FLT1: variants seen among roughly 807,000 people sequenced by gnomAD.
The protein encoded by FLT1 is vascular endothelial growth factor receptor 1.
Under a neutral mutation model 156.3 loss-of-function variants are expected in FLT1, and 49 were observed. The observed-to-expected ratio is 0.31, with a 90% confidence interval of 0.25 to 0.40. The LOEUF is 0.40. FLT1 is among the 10% of genes least tolerant of loss of function. FLT1 has a pLI of 1.00. For missense variants in FLT1, 1,322 were observed against 1,637.2 expected, an observed-to-expected ratio of 0.81 and a Z score of 3.32; for synonymous variants, 594 against 583.8, an observed-to-expected ratio of 1.02 and a Z score of -0.25.
chr13:28,347,350 CTG>C (rs1365683084), intron 15 of FLT1, among the ~76,000 whole-genome samples: 1 of 150,668 alleles, frequency 6.6e-6, no homozygotes, highest in Non-Finnish European at 1.5e-5. Flanking sequence ...TGGTAAAACC[CTG>C]TCTCTACTAA....
intron 3 of FLT1, among the ~76,000 whole-genome samples, chr13:28,441,611 T>C (rs1053021340): frequency 2.0e-5 from 3 of 152,132 alleles, no homozygotes; most frequent in Admixed American, 6.5e-5. Flanking sequence ...TATATTGATA[T>C]AGTGGCATAG....
At chr13:28,371,066 G>A (rs1242944759) in intron 14 of FLT1, among the ~76,000 whole-genome samples, 1 of 152,104 alleles carries the variant, frequency 6.6e-6, no homozygotes, top group Non-Finnish European at 1.5e-5. Flanking sequence ...AGAACAATAC[G>A]TTTTGACATA....
intron 3 of FLT1, among the ~76,000 whole-genome samples, chr13:28,454,255 G>A (rs889706281): frequency 6.6e-6 from 1 of 152,236 alleles, no homozygotes; most frequent in Non-Finnish European, 1.5e-5. Context: ...TGCCTCCTAA[G>A]TGTTAGGCAG....
chr13:28,451,085 G>C (rs189529734), intron 3 of FLT1, among the ~76,000 whole-genome samples: 186 of 152,316 alleles, frequency 1.2e-3, no homozygotes, highest in African/African-American at 4.3e-3. Context: ...GCTCTCTGCT[G>C]TAAGGTGCTG....
rs375772405 is a variant in FLT1 at position 28,355,613 on chromosome 13, A to C, written c.2248+1941T>G. On this transcript the variant is annotated intron_variant, in intron 15 of 29. Coordinates refer to ENST00000282397, the MANE Select transcript of FLT1 (RefSeq NM_002019.4). Reference sequence around the variant, plus strand: ...CAGAAAGCATTTCAGCTGGCCTGAGAGGATAAGAAGGATTTGGCTGGAATA... The same window carrying C: ...CAGAAAGCATTTCAGCTGGCCTGAGCGGATAAGAAGGATTTGGCTGGAATA... 1.2e-4 allele frequency among the ~76,000 whole-genome samples: 19 copies of C among 152,294 alleles called. No homozygotes were observed. The South Asian group carries it at 3.9e-3, about 32-fold the overall frequency.
At chr13:28,464,974 G>A (rs193070490) in intron 3 of FLT1, among the ~76,000 whole-genome samples, 1 of 152,110 alleles carries the variant, frequency 6.6e-6, no homozygotes, top group East Asian at 1.9e-4. Flanking sequence ...TAGAGACAGG[G>A]GCAGTCTGTG....
chr13:28,470,839 T>C (rs142496561), intron 1 of FLT1, among the ~76,000 whole-genome samples: 7,127 of 152,224 alleles, frequency 0.047, 245 homozygotes, highest in South Asian at 0.11. Context: ...TACAGGCGCC[T>C]GCCACCACAC....
At chr13:28,341,803 C>T (rs1444773309) in intron 16 of FLT1, among the ~76,000 whole-genome samples, 1 of 152,222 alleles carries the variant, frequency 6.6e-6, no homozygotes, top group Admixed American at 6.5e-5. Context: ...TTCTTATTAA[C>T]ATCAAAATTT....
chr13:28,405,454 G>A (rs1447084340), intron 11 of FLT1, among the ~76,000 whole-genome samples: 3 of 152,168 alleles, frequency 2.0e-5, no homozygotes, highest in Non-Finnish European at 2.9e-5. Flanking sequence ...GCCCTAGGCT[G>A]CACTCCGGAG....
Position 28,303,009 on chromosome 13 carries a change from C to CAA in FLT1, c.*156_*157dup, listed in dbSNP as rs58778671. 16 of 557,532 alleles carry CAA rather than the reference C, an allele frequency of 2.9e-5. No homozygotes were observed. The highest frequency in any genetic ancestry group is 4.8e-4 in the Middle Eastern group (1 of 2,096). 34.5% of individuals were successfully genotyped at this position (557,532 alleles called of 1,614,324 possible). On this transcript the variant is annotated 3_prime_UTR_variant, in exon 30 of 30. Coordinates refer to ENST00000282397, the MANE Select transcript of FLT1 (RefSeq NM_002019.4). ...TATCTGGAGTTACATTCTTGTTAGT[C>CAA]AAAAAAAAAAAAGCACTATTAAAAA...
chr13:28,308,545 G>A (rs1870848949), intron 28 of FLT1: 1 of 408,240 alleles, frequency 2.4e-6, no homozygotes, highest in East Asian at 5.2e-5. Flanking sequence ...TACTCTGAAA[G>A]CAAAGCTGCA....
chr13:28,399,223 C>G, intron 11 of FLT1: 1 of 644,732 alleles, frequency 1.6e-6, no homozygotes, highest in Non-Finnish European at 2.6e-6. Flanking sequence ...AAACAAGGAG[C>G]TCAGATGAAG....
intron 15 of FLT1, among the ~76,000 whole-genome samples, chr13:28,355,572 G>A (rs1419190792): frequency 6.6e-6 from 1 of 152,166 alleles, no homozygotes; most frequent in Non-Finnish European, 1.5e-5. Flanking sequence ...TGTTCATCCC[G>A]GAGTACATTC....
intron 13 of FLT1, chr13:28,389,373 C>A: frequency 7.9e-7 from 1 of 1,264,914 alleles, no homozygotes; most frequent in South Asian, 3.6e-5. Context: ...AGCTTCAACA[C>A]TTAAAAATAA....
chr13:28,311,815 G>A, intron 26 of FLT1, 83 bp from the exon 27 acceptor site: 2 of 1,457,640 alleles, frequency 1.4e-6, no homozygotes, highest in Non-Finnish European at 1.9e-6. Flanking sequence ...CTTTGACTAT[G>A]TCATTTGCAC....
rs551086750 is a variant in FLT1, at chr13:28,317,351, G to A, written c.3386+147C>T. The A allele has an allele frequency of 1.1e-4, 80 of 705,332 alleles. 1 individual carries two copies. Among genetic ancestry groups the A allele is most frequent in the South Asian group, 7.3e-4 (48 of 65,856 alleles). The allele number at this position is 705,332 out of a possible 1,614,324, so 43.7% of individuals were successfully genotyped here. On this transcript the variant is annotated intron_variant, in intron 25 of 29. Coordinates refer to ENST00000282397, the MANE Select transcript of FLT1 (RefSeq NM_002019.4). ...CACTCCCAGCATATCTGGGCCTGAT[G>A]GGCTGAGGGGAGCATCTCTAAAGGA...
chr13:28,307,937 A>G (rs1450568056), intron 28 of FLT1, among the ~76,000 whole-genome samples: 1 of 152,086 alleles, frequency 6.6e-6, no homozygotes, highest in East Asian at 1.9e-4. Flanking sequence ...ACGCCCAGCT[A>G]ATTTTTTTGT....
At chr13:28,326,684 C>T (rs1053579330) in intron 20 of FLT1, among the ~76,000 whole-genome samples, 2 of 152,062 alleles carry the variant, frequency 1.3e-5, no homozygotes, top group African/African-American at 4.8e-5. Flanking sequence ...GGCCACCACG[C>T]CTGGCTAATT....
chr13:28,389,972 C>T lies in FLT1; in HGVS notation c.1793G>A (p.Arg598Lys), dbSNP rs2137459446. 1 of 1,614,080 alleles carries T rather than the reference C, an allele frequency of 6.2e-7. No individual in the cohort carries two copies. Among genetic ancestry groups the T allele is most frequent in the Non-Finnish European group, 8.5e-7 (1 of 1,180,004 alleles). The change falls in exon 13 of 30, where the codon AGA (arginine) becomes AAA (lysine). Residue 598 changes from arginine (R) to lysine (K), a missense_variant. This residue lies in a region of FLT1 where 991 missense variants were observed against 1,254.8 expected (regional missense o/e 0.79). Coordinates refer to ENST00000282397, the MANE Select transcript of FLT1 (RefSeq NM_002019.4). ...TWILLRTVNN[R>K]TMHYSISKQK... Reference sequence around the variant, plus strand: ...CTTGCTAATACTGTAGTGCATTGTTCTGTTATTAACTGTCCGCAGTAAAAT... The same window carrying T: ...CTTGCTAATACTGTAGTGCATTGTTTTGTTATTAACTGTCCGCAGTAAAAT...
Sources: allele counts gnomAD v4.1 joint callset (sites outside exome capture counted in the v4.1 genomes callset), GRCh38; gene constraint gnomAD v4.1.1; regional missense constraint gnomAD v4.1.1; transcripts MANE v1.5; gene names NCBI Gene and HGNC (gene_info 2026-07-23, HGNC 2026-07-21).